CWF19L1: variants seen among roughly 807,000 people sequenced by gnomAD.
CWF19L1 encodes the protein CWF19 like cell cycle control factor 1.
Under a neutral mutation model 69.7 loss-of-function variants are expected in CWF19L1, and 60 were observed. The ratio of observed to expected loss-of-function variants is 0.86; its 90% confidence interval spans 0.70 to 1.07. The LOEUF (loss-of-function observed/expected upper bound fraction) is 1.07, where lower values mean the gene tolerates loss of function less well. Ranked by LOEUF, CWF19L1 falls within the 50% of genes least tolerant of loss-of-function variation. CWF19L1 has a pLI of 0.00. For missense variants in CWF19L1, 591 were observed against 638.9 expected, an observed-to-expected ratio of 0.92 and a Z score of 0.81; for synonymous variants, 209 against 222.2, an observed-to-expected ratio of 0.94 and a Z score of 0.53.
At chr10:100,253,591 G>T in intron 5 of CWF19L1, 52 bp from the exon 6 acceptor site, 1 of 994,266 alleles carries the variant, frequency 1.0e-6, no homozygotes, top group Non-Finnish European at 1.6e-6. Flanking sequence ...ATCAAGAAAT[G>T]CAAATAAATA....
intron 2 of CWF19L1, among the ~76,000 whole-genome samples, chr10:100,261,642 T>C (rs948109133): frequency 2.0e-5 from 3 of 152,214 alleles, no homozygotes; most frequent in African/African-American, 4.8e-5. Flanking sequence ...GTATGTATGT[T>C]ACCTGACTTA....
chr10:100,264,595 C>T (rs11190444), intron 1 of CWF19L1, among the ~76,000 whole-genome samples: 30,160 of 145,500 alleles, frequency 0.21, 5,905 homozygotes, highest in African/African-American at 0.52. Flanking sequence ...GTTTAGAGTA[C>T]ACTCCTACGT....
chr10:100,245,973 G>A (rs879468736), intron 8 of CWF19L1, 60 bp from the exon 9 acceptor site: 31 of 1,201,156 alleles, frequency 2.6e-5, no homozygotes, highest in Non-Finnish European at 3.3e-5. Flanking sequence ...ATAAGTAGCC[G>A]ACCACTCACA....
At chr10:100,243,341 A>G (rs1283131554) in intron 10 of CWF19L1, among the ~76,000 whole-genome samples, 2 of 152,212 alleles carry the variant, frequency 1.3e-5, no homozygotes, top group East Asian at 3.8e-4. Flanking sequence ...GATGAACCTC[A>G]AGAATATTAT....
intron 6 of CWF19L1, among the ~76,000 whole-genome samples, chr10:100,252,465 C>T (rs1412565545): frequency 1.3e-5 from 2 of 151,474 alleles, no homozygotes; most frequent in Non-Finnish European, 2.9e-5. Flanking sequence ...TATATACCTA[C>T]TATGCTACTA....
At chr10:100,251,399 T>C (rs1455679841) in intron 6 of CWF19L1, among the ~76,000 whole-genome samples, 1 of 152,222 alleles carries the variant, frequency 6.6e-6, no homozygotes, top group Non-Finnish European at 1.5e-5. Flanking sequence ...ATTTGCCTTT[T>C]TGACTACTGC....
At chr10:100,265,126 A>G (rs2134329399) in intron 1 of CWF19L1, among the ~76,000 whole-genome samples, 1 of 152,170 alleles carries the variant, frequency 6.6e-6, no homozygotes, top group Middle Eastern at 3.4e-3. Flanking sequence ...CTCCAAAAAA[A>G]AAAAAAGTTT....
intron 10 of CWF19L1, among the ~76,000 whole-genome samples, chr10:100,243,029 T>C (rs773563275): frequency 6.6e-6 from 1 of 152,234 alleles, no homozygotes; most frequent in Non-Finnish European, 1.5e-5. Context: ...GAATATAAGA[T>C]GGTGCAGTCA....
At chr10:100,244,633 G>A (rs1846750556) in intron 9 of CWF19L1, among the ~76,000 whole-genome samples, 2 of 151,704 alleles carry the variant, frequency 1.3e-5, no homozygotes, top group Admixed American at 6.6e-5. Flanking sequence ...GGGATTATAG[G>A]CGTGAGCCAC....
chr10:100,260,139 G>A, intron 4 of CWF19L1, 79 bp downstream of exon 4: 1 of 893,080 alleles, frequency 1.1e-6, no homozygotes, highest in Non-Finnish European at 1.8e-6. Flanking sequence ...CTGCACTCCA[G>A]CCTGGGTGAC....
intron 7 of CWF19L1, 46 bp from the exon 8 acceptor site, chr10:100,246,981 C>A: frequency 1.3e-6 from 2 of 1,515,968 alleles, no homozygotes; most frequent in Non-Finnish European, 1.8e-6. Context: ...ATACTATTTA[C>A]CCAACTGTAA....
chr10:100,253,433 C>T lies in CWF19L1; in HGVS notation c.611G>A (p.Arg204Lys). The T allele has an allele frequency of 6.3e-7, 1 of 1,597,126 alleles. No individual in the cohort carries two copies. The highest frequency in any genetic ancestry group is 8.6e-7 in the Non-Finnish European group (1 of 1,165,008). ...AAATGCTACTCACCGATATGGAAGC[C>T]TCTCATAATAGGTCTTTTCCAAAGC... Reference protein sequence around the residue: ...FAALEKTYYERLPYRNHIILQ... With the variant: ...FAALEKTYYEKLPYRNHIILQ... The change falls in exon 6 of 14, where the codon AGG (arginine) becomes AAG (lysine). Residue 204 changes from arginine (R) to lysine (K), a missense_variant. Arg to Lys is a conservative substitution (Grantham distance 26). Coordinates refer to ENST00000354105, the MANE Select transcript of CWF19L1 (RefSeq NM_018294.6).
At chr10:100,258,941 A>T (rs915855549) in intron 4 of CWF19L1, among the ~76,000 whole-genome samples, 5 of 151,356 alleles carry the variant, frequency 3.3e-5, no homozygotes, top group Non-Finnish European at 5.9e-5. Flanking sequence ...AGTGGCTCAC[A>T]CCTGTAATCC....
At chr10:100,267,398 G>A in intron 1 of CWF19L1, 173 bp downstream of exon 1, 4 of 984,290 alleles carry the variant, frequency 4.1e-6, no homozygotes, top group Non-Finnish European at 4.8e-6. Context: ...AAAAGGGCCA[G>A]GAAAAGAGGT....
chr10:100,236,843 G>C lies in CWF19L1; in HGVS notation c.1374+7C>G, dbSNP rs367886764. 1 of 1,582,072 alleles carries C rather than the reference G, an allele frequency of 6.3e-7. No homozygotes were observed. Among genetic ancestry groups the C allele is most frequent in the Non-Finnish European group, 8.6e-7 (1 of 1,169,106 alleles). ...TCTTCCCTGAATATCACCATCCCCT[G>C]TTTCACCTGCTTGATGTCAGAGTGC... On this transcript the variant is annotated splice_region_variant and intron_variant, in intron 12 of 13. Coordinates refer to ENST00000354105, the MANE Select transcript of CWF19L1 (RefSeq NM_018294.6).
At chr10:100,237,105 A>G in intron 11 of CWF19L1, 136 bp from the exon 12 acceptor site, 1 of 1,092,724 alleles carries the variant, frequency 9.2e-7, no homozygotes, top group Non-Finnish European at 1.4e-6. Flanking sequence ...CAGGCCAGAC[A>G]AGCCTGTGTC....
At chr10:100,253,671 G>T (rs1209987112) in intron 5 of CWF19L1, 132 bp from the exon 6 acceptor site, 1 of 578,486 alleles carries the variant, frequency 1.7e-6, no homozygotes, top group East Asian at 2.9e-5. Context: ...ACTGCACATT[G>T]AATTTCATAA....
At chr10:100,262,839 A>C (rs1847452210) in intron 1 of CWF19L1, among the ~76,000 whole-genome samples, 1 of 151,930 alleles carries the variant, frequency 6.6e-6, no homozygotes, top group Non-Finnish European at 1.5e-5. Context: ...TCATTTCCTT[A>C]ATGTCTTTTA....
chr10:100,253,392 A>G (rs1273422379), intron 6 of CWF19L1, 29 bp downstream of exon 6: 1 of 1,339,378 alleles, frequency 7.5e-7, no homozygotes, highest in African/African-American at 1.4e-5. Flanking sequence ...AATTCTTCAA[A>G]AAGCCAAGAA....
Sources: allele counts gnomAD v4.1 joint callset (sites outside exome capture counted in the v4.1 genomes callset), GRCh38; gene constraint gnomAD v4.1.1; transcripts MANE v1.5; gene names NCBI Gene and HGNC (gene_info 2026-07-23, HGNC 2026-07-21).